Variants in ADRA1B observed in about 807,000 individuals in gnomAD.
The protein encoded by ADRA1B is alpha-1B adrenergic receptor.
Under a neutral mutation model 17.9 loss-of-function variants are expected in ADRA1B, and 17 were observed. The ratio of observed to expected loss-of-function variants is 0.95; its 90% confidence interval spans 0.65 to 1.42. The LOEUF (loss-of-function observed/expected upper bound fraction) is 1.42. ADRA1B is among the 40% of genes most tolerant of loss of function. ADRA1B has a pLI of 0.00. For synonymous variants in ADRA1B, 366 were observed against 327.6 expected (o/e 1.12, Z -1.27); for missense variants, 681 against 722.1 (o/e 0.94, Z 0.65).
chr5:159,988,886 A>G, the ADRA1B span, among the ~76,000 whole-genome samples: 1 of 152,236 alleles, frequency 6.6e-6, no homozygotes, highest in African/African-American at 2.4e-5. Flanking sequence ...AGACTAAAAC[A>G]GGAGGATTAC....
At chr5:159,904,303 AC>A (rs1373273388) in intron 1 of ADRA1B, among the ~76,000 whole-genome samples, 4 of 152,228 alleles carry the variant, frequency 2.6e-5, no homozygotes, top group African/African-American at 9.6e-5. Context: ...GGAAAGGGCT[AC>A]ACAACTTCTA....
At chr5:159,920,535 A>T (rs528552414) in intron 1 of ADRA1B, among the ~76,000 whole-genome samples, 1 of 152,192 alleles carries the variant, frequency 6.6e-6, no homozygotes, top group South Asian at 2.1e-4. Flanking sequence ...CTATCATGCG[A>T]CGATCTCCCA....
At chr5:159,939,331 G>GCGCGCA (rs70987982) in intron 1 of ADRA1B, among the ~76,000 whole-genome samples, 1 of 149,180 alleles carries the variant, frequency 6.7e-6, no homozygotes, top group Non-Finnish European at 1.5e-5. Context: ...GTGCGCGCGC[G>GCGCGCA]CGCGCACACA....
At chr5:159,909,185 C>G (rs760446410) in intron 1 of ADRA1B, among the ~76,000 whole-genome samples, 5 of 152,188 alleles carry the variant, frequency 3.3e-5, no homozygotes, top group African/African-American at 9.7e-5. Context: ...GCTGCTCCCC[C>G]CTTCACTATG....
chr5:159,953,294 A>G (rs557563305), intron 1 of ADRA1B, among the ~76,000 whole-genome samples: 1 of 152,328 alleles, frequency 6.6e-6, no homozygotes, highest in South Asian at 2.1e-4. Context: ...TGGGAGGCAG[A>G]GTTTGCAGTG....
intron 1 of ADRA1B, among the ~76,000 whole-genome samples, chr5:159,880,685 C>T (rs867760849): frequency 3.3e-5 from 5 of 152,184 alleles, no homozygotes; most frequent in African/African-American, 1.2e-4. Flanking sequence ...CAAATCTGCC[C>T]CCTTTTTATT....
intron 1 of ADRA1B, among the ~76,000 whole-genome samples, chr5:159,945,736 G>GTTTTTTTTTTTTTTTT (rs1231519561): frequency 6.8e-6 from 1 of 147,008 alleles, no homozygotes. Context: ...TTTCTGGTGG[G>GTTTTTTTTTTTTTTTT]TTTTTTTGTT....
chr5:159,943,881 G>C (rs1755199703), intron 1 of ADRA1B, among the ~76,000 whole-genome samples: 1 of 149,960 alleles, frequency 6.7e-6, no homozygotes, highest in African/African-American at 2.5e-5. Context: ...TACCACAATT[G>C]GCTCTCATTC....
intron 1 of ADRA1B, among the ~76,000 whole-genome samples, chr5:159,940,792 T>C (rs1755103298): frequency 1.3e-5 from 2 of 152,206 alleles, no homozygotes; most frequent in Non-Finnish European, 2.9e-5. Context: ...TTTCTTTTCC[T>C]GCTTCTCTGT....
chr5:159,960,313 T>C (rs1356635904), intron 1 of ADRA1B, among the ~76,000 whole-genome samples: 1 of 152,206 alleles, frequency 6.6e-6, no homozygotes, highest in Non-Finnish European at 1.5e-5. Flanking sequence ...AATCAGTCCA[T>C]TGCAGCCACG....
chr5:159,873,040 C>T (rs775938063), intron 1 of ADRA1B, among the ~76,000 whole-genome samples: 1 of 148,340 alleles, frequency 6.7e-6, no homozygotes, highest in Non-Finnish European at 1.5e-5. Flanking sequence ...GTTTTCTGTT[C>T]CTGTGTTAGT....
intron 1 of ADRA1B, among the ~76,000 whole-genome samples, chr5:159,910,144 T>A (rs548136955): frequency 6.6e-6 from 1 of 151,784 alleles, no homozygotes; most frequent in Non-Finnish European, 1.5e-5. Flanking sequence ...AATAGTAGAG[T>A]TCTTTGTTGA....
chr5:159,942,307 C>A (rs1490746310), intron 1 of ADRA1B, among the ~76,000 whole-genome samples: 1 of 152,096 alleles, frequency 6.6e-6, no homozygotes, highest in African/African-American at 2.4e-5. Context: ...TTACTAAAAA[C>A]CGCTAAATTG....
At position 159,961,312 on chromosome 5, in the gene ADRA1B, C is replaced by T. The variant is rs189174689; in HGVS notation, c.950-10567C>T. On this transcript the variant is annotated intron_variant, in intron 1 of 1. Transcript: ENST00000306675. ...ATAGAGAATGTTTGTAAATGTGGTA[C>T]CTTAATAACTGGTTTTGGAATGGAG... is the stretch of plus-strand genomic sequence containing the variant. Among the ~76,000 whole-genome samples the T allele has an allele frequency of 2.4e-4, 37 of 152,208 alleles. No individual in the cohort carries two copies. The East Asian group carries it at 6.8e-3, about 28-fold the overall frequency.
At chr5:159,925,903 G>T (rs764429859) in intron 1 of ADRA1B, among the ~76,000 whole-genome samples, 7 of 152,162 alleles carry the variant, frequency 4.6e-5, no homozygotes, top group Non-Finnish European at 1.0e-4. Flanking sequence ...GGCATTGCAG[G>T]GCCCCTGCTC....
chr5:159,945,402 C>A (rs1755241016), intron 1 of ADRA1B, among the ~76,000 whole-genome samples: 1 of 152,072 alleles, frequency 6.6e-6, no homozygotes, highest in African/African-American at 2.4e-5. Context: ...GAGAAAGCTG[C>A]TCGTTGAGAT....
chr5:159,901,954 A>G (rs1754105188), intron 1 of ADRA1B, among the ~76,000 whole-genome samples: 1 of 152,238 alleles, frequency 6.6e-6, no homozygotes, highest in Non-Finnish European at 1.5e-5. Context: ...TCCACAAAAA[A>G]TTAAAAATGG....
rs4921098 is a variant in ADRA1B, at chr5:159,929,900, G to A, written c.949+12046G>A. 8.3e-3 allele frequency among the ~76,000 whole-genome samples: 1,263 copies of A among 152,266 alleles called. 52 individuals are homozygous for A. The highest frequency in any genetic ancestry group is 0.072 in the Admixed American group (1,098 of 15,298). On this transcript the variant is annotated intron_variant, in intron 1 of 1. Coordinates refer to ENST00000306675, the MANE Select transcript of ADRA1B (RefSeq NM_000679.4). ...TTTGTAAGCATACATATCCACATGC[G>A]TATATGTATGTTTGAGTGTTTTTGC... is the stretch of plus-strand genomic sequence containing the variant.
chr5:159,950,884 G>A (rs1159925930), intron 1 of ADRA1B: 3 of 585,292 alleles, frequency 5.1e-6, no homozygotes, highest in South Asian at 1.7e-5. Context: ...AGGCAGGGGT[G>A]ATGTTCTGGA....
Sources: gnomAD v4.1 joint callset for allele counts (sites outside exome capture counted in the v4.1 genomes callset) on GRCh38, gnomAD v4.1.1 for gene constraint, MANE v1.5 for transcripts, NCBI Gene and HGNC (gene_info 2026-07-23, HGNC 2026-07-21) for gene names.